Variants in SPTLC3 observed in about 807,000 individuals in gnomAD.
SPTLC3 encodes the protein serine palmitoyltransferase 3.
SPTLC3 carries 36 observed loss-of-function variants against 59.3 expected under a neutral mutation model. The ratio of observed to expected loss-of-function variants is 0.61; its 90% CI spans 0.47 to 0.80. The LOEUF (loss-of-function observed/expected upper bound fraction) is 0.80. Among genes scored for constraint, SPTLC3 ranks in the 30% least tolerant of loss-of-function variants. The probability of loss-of-function intolerance (pLI) is 0.00; values close to 1 mark genes in which losing one functional copy is unlikely to be tolerated. For missense variants in SPTLC3, 625 were observed against 685.1 expected (o/e 0.91, Z 0.98); for synonymous variants, 257 against 240.8 (o/e 1.07, Z -0.62).
intron 1 of SPTLC3, among the ~76,000 whole-genome samples, chr20:13,013,271 C>T (rs942324107): frequency 6.6e-6 from 1 of 152,202 alleles, no homozygotes; most frequent in African/African-American, 2.4e-5. Context: ...GGTAGAGCTA[C>T]TCTTCTGCTG....
chr20:13,125,070 C>A (rs1423276740), intron 8 of SPTLC3, among the ~76,000 whole-genome samples: 11 of 150,144 alleles, frequency 7.3e-5, no homozygotes, highest in Non-Finnish European at 1.5e-4. Flanking sequence ...TTCTGCAGGA[C>A]ACTTGGAGAG....
intron 10 of SPTLC3, among the ~76,000 whole-genome samples, chr20:13,155,184 T>C (rs956725317): frequency 1.5e-4 from 22 of 149,640 alleles, no homozygotes; most frequent in African/African-American, 5.2e-4. Context: ...TGAGACCCTG[T>C]CAAAAAAAAA....
intron 9 of SPTLC3, among the ~76,000 whole-genome samples, chr20:13,138,840 T>C (rs1230346849): frequency 6.6e-6 from 1 of 152,222 alleles, no homozygotes; most frequent in South Asian, 2.1e-4. Flanking sequence ...TGCTGGATAA[T>C]TCAAGCCAAT....
intron 1 of SPTLC3, among the ~76,000 whole-genome samples, chr20:13,028,088 C>T (rs1224723518): frequency 2.6e-5 from 4 of 152,188 alleles, no homozygotes; most frequent in Non-Finnish European, 4.4e-5. Flanking sequence ...ATTGATGACA[C>T]GGTTGGAACT....
chr20:13,148,351 G>A (rs2038563619), intron 9 of SPTLC3, among the ~76,000 whole-genome samples: 1 of 152,208 alleles, frequency 6.6e-6, no homozygotes, highest in Non-Finnish European at 1.5e-5. Context: ...CCAGAAATCA[G>A]AAGAGATAGA....
At chr20:13,119,970 A>C (rs1045104049) in intron 8 of SPTLC3, among the ~76,000 whole-genome samples, 1 of 152,214 alleles carries the variant, frequency 6.6e-6, no homozygotes, top group Non-Finnish European at 1.5e-5. Context: ...GATTTGATGG[A>C]ACTTATGTAT....
chr20:13,093,361 T>C, intron 5 of SPTLC3, 123 bp from the exon 6 acceptor site: 2 of 849,376 alleles, frequency 2.4e-6, no homozygotes, highest in Non-Finnish European at 3.7e-6. Flanking sequence ...TCTTGGCCTT[T>C]TAAAATTAAA....
chr20:13,083,841 C>T (rs1246692898), intron 4 of SPTLC3, among the ~76,000 whole-genome samples: 17 of 152,164 alleles, frequency 1.1e-4, no homozygotes, highest in Admixed American at 1.1e-3. Context: ...GGTCCCACAA[C>T]CACACTGGTC....
chr20:13,071,817 G>C (rs753172351), intron 2 of SPTLC3, among the ~76,000 whole-genome samples: 1 of 152,118 alleles, frequency 6.6e-6, no homozygotes, highest in South Asian at 2.1e-4. Flanking sequence ...AGCCACCCTC[G>C]AGTAGCAGTT....
chr20:13,126,500 C>A, intron 8 of SPTLC3, 91 bp from the exon 9 acceptor site: 1 of 1,442,010 alleles, frequency 6.9e-7, no homozygotes. Flanking sequence ...ATGTCTTTTG[C>A]TATGAGGATA....
At chr20:13,082,290 A>C (rs1223032754) in intron 4 of SPTLC3, among the ~76,000 whole-genome samples, 1 of 152,172 alleles carries the variant, frequency 6.6e-6, no homozygotes, top group East Asian at 1.9e-4. Context: ...ATGTTTCCAC[A>C]GTCTGTAGGT....
intron 1 of SPTLC3, among the ~76,000 whole-genome samples, chr20:13,019,388 T>C (rs1032913647): frequency 6.6e-6 from 1 of 152,162 alleles, no homozygotes; most frequent in Non-Finnish European, 1.5e-5. Flanking sequence ...GTGTAGGAAA[T>C]AGGCTAAAAA....
At chr20:13,034,696 A>G (rs1466513538) in intron 1 of SPTLC3, among the ~76,000 whole-genome samples, 1 of 152,152 alleles carries the variant, frequency 6.6e-6, no homozygotes, top group Non-Finnish European at 1.5e-5. Context: ...AAACTTTACC[A>G]TCACACATAA....
chr20:13,070,671 G>A (rs934488528), intron 2 of SPTLC3, among the ~76,000 whole-genome samples: 4 of 152,136 alleles, frequency 2.6e-5, no homozygotes, highest in South Asian at 2.1e-4. Flanking sequence ...CAAATGCTTC[G>A]GGTCCTCAAG....
chr20:13,026,381 C>A (rs1009791858), intron 1 of SPTLC3, among the ~76,000 whole-genome samples: 7 of 152,242 alleles, frequency 4.6e-5, no homozygotes, highest in African/African-American at 1.7e-4. Context: ...TGCAACCTTG[C>A]CAGCATCTGT....
At chr20:13,117,221 A>G (rs1040492254) in intron 7 of SPTLC3, among the ~76,000 whole-genome samples, 1 of 152,240 alleles carries the variant, frequency 6.6e-6, no homozygotes, top group African/African-American at 2.4e-5. Context: ...TGGCTTTACA[A>G]ATAAATTGGA....
chr20:13,164,584 G>C (rs2038959950), intron 11 of SPTLC3, 170 bp from the exon 12 acceptor site: 3 of 613,782 alleles, frequency 4.9e-6, no homozygotes, highest in Non-Finnish European at 8.8e-6. Flanking sequence ...ATTCCTCTAG[G>C]GTCTTAAACC....
intron 7 of SPTLC3, among the ~76,000 whole-genome samples, chr20:13,112,888 A>C (rs1220108147): frequency 1.3e-5 from 2 of 152,180 alleles, no homozygotes; most frequent in African/African-American, 2.4e-5. Flanking sequence ...CTATCACCAG[A>C]TATTTCCCAT....
At chr20:13,048,828 T>C in intron 1 of SPTLC3, 117 bp from the exon 2 acceptor site, 1 of 944,184 alleles carries the variant, frequency 1.1e-6, no homozygotes, top group Non-Finnish European at 1.5e-6. Flanking sequence ...TTCTAATTTA[T>C]TTACAATCTT....
Sources: allele counts gnomAD v4.1 joint callset (sites outside exome capture counted in the v4.1 genomes callset), GRCh38; gene constraint gnomAD v4.1.1; transcripts MANE v1.5; gene names NCBI Gene and HGNC (gene_info 2026-07-23, HGNC 2026-07-21).